Variants in UBTF observed in about 807,000 individuals in gnomAD.
The protein encoded by UBTF is nucleolar transcription factor 1.
In UBTF, 8 loss-of-function variants were observed where a neutral mutation model predicts 112.3. That is an observed-to-expected ratio of 0.07 (90% CI 0.04 to 0.13). The LOEUF (loss-of-function observed/expected upper bound fraction) is 0.13, where lower values mean the gene tolerates loss of function less well. Among genes scored for constraint, UBTF ranks in the 10% least tolerant of loss-of-function variants. UBTF has a pLI of 1.00. For missense variants in UBTF, 457 were observed against 982.1 expected (o/e 0.47, Z 7.15); for synonymous variants, 417 against 373.1 (o/e 1.12, Z -1.36).
In UBTF at chr17:44,211,097, A is replaced by T. The variant is rs1359949094; in HGVS notation, c.1145T>A (p.Ile382Asn). The change falls in exon 12 of 21, where the codon ATC (isoleucine) becomes AAC (asparagine). Residue 382 changes from isoleucine (I) to asparagine (N), a missense_variant. Ile to Asn is a moderately radical substitution (Grantham distance 149). Transcript: ENST00000436088. The surrounding 1 kb of genome is among the most constrained non-coding windows in gnomAD (Gnocchi z 4.9). ...RVLGEEKMLN[I>N]NKKQATSPAS... is the part of the protein sequence containing the mutation. ...GGGGCTGGTGGCCTGCTTCTTGTTG[A>T]TGTTCAGCATCTTCTCTTCCCCCAA... 3 of 1,612,796 alleles carry T rather than the reference A, an allele frequency of 1.9e-6. No individual in the cohort carries two copies. The highest frequency in any genetic ancestry group is 2.5e-6 in the Non-Finnish European group (3 of 1,179,972).
rs768375018 is a variant in UBTF, at chr17:44,210,961, G to A, written c.1204-14C>T. On this transcript the variant is annotated splice_polypyrimidine_tract_variant and intron_variant, in intron 12 of 20. Transcript: ENST00000436088. ...CTCGGAGCCGCCCTGTCCAGGTGCA[G>A]AGGGTCGGGGTCCGTGGGTGCTGCC... 25 of 1,602,910 alleles carry A rather than the reference G, an allele frequency of 1.6e-5. No homozygotes were observed. The highest frequency in any genetic ancestry group is 2.1e-5 in the Non-Finnish European group (25 of 1,176,584).
rs2056696753 is a variant in UBTF at position 44,211,804 on chromosome 17, T to C, written c.906-57A>G. On this transcript the variant is annotated intron_variant, in intron 9 of 20. Coordinates refer to ENST00000436088, the MANE Select transcript of UBTF (RefSeq NM_014233.4). The surrounding 1 kb of genome is among the most constrained non-coding windows in gnomAD (Gnocchi z 4.9). ...CGTAAGCGAGCAGGGCAGCAGGCCT[T>C]CTCACCTGCAGAGCCCAGCCCAACT... 6.3e-7 allele frequency: 1 copy of C among 1,599,812 alleles called. No homozygotes were observed. The highest frequency in any genetic ancestry group is 8.5e-7 in the Non-Finnish European group (1 of 1,174,308).
rs538531930 is a variant in UBTF at position 44,212,084 on chromosome 17, G to A, written c.772-78C>T. On this transcript the variant is annotated intron_variant, in intron 8 of 20. Transcript: ENST00000436088. Reference sequence around the variant, plus strand: ...GCAGGGGCAGGGGGAGAGCCGCTGGGGAGGGCAGGCAGGGAGCAAAGCTGG... The same window carrying A: ...GCAGGGGCAGGGGGAGAGCCGCTGGAGAGGGCAGGCAGGGAGCAAAGCTGG... 64 of 1,510,092 alleles carry A rather than the reference G, an allele frequency of 4.2e-5. No individual in the cohort carries two copies. The East Asian group carries it at 1.5e-3, about 34-fold the overall frequency. 93.5% of individuals were successfully genotyped at this position (1,510,092 alleles called of 1,614,324 possible).
At position 44,218,135 on chromosome 17, in the gene UBTF, G is replaced by T. The variant is rs748142988; in HGVS notation, c.58+37C>A. ...GCCCCGCAGCCACGAGGGAAAGAGG[G>T]TTTAAGTTTCAGAGGGCCGGGGGTG... On this transcript the variant is annotated intron_variant, in intron 2 of 20. Coordinates refer to ENST00000436088, the MANE Select transcript of UBTF (RefSeq NM_014233.4). 2.1e-5 allele frequency: 34 copies of T among 1,606,804 alleles called. 1 individual carries two copies. The Admixed American group carries it at 5.7e-4, about 27-fold the overall frequency.
rs898564208 is a variant in UBTF at position 44,207,873 on chromosome 17, G to A, written c.1944C>T (p.Tyr648=). The change falls in exon 18 of 21, where the codon TAC becomes TAT. Residue 648 remains tyrosine, a synonymous_variant. Transcript: ENST00000436088. ...SPQDRAAYKE[Y]ISNKRKSMTK... is the part of the protein sequence containing the mutation. ...CTGCTCCCAGACTCACATTGGAGAT[G>A]TACTCTTTATATGCTGCACGGTCCT... 15 of 1,613,890 alleles carry A rather than the reference G, an allele frequency of 9.3e-6. No individual in the cohort carries two copies. In the African/African-American group the frequency reaches 1.7e-4, roughly 19 times the overall value.
In UBTF at chr17:44,209,714, C is replaced by T. The variant is rs2056526722; in HGVS notation, c.1646G>A (p.Arg549Gln). The T allele has an allele frequency of 1.9e-6, 3 of 1,613,990 alleles. No homozygotes were observed. The highest frequency in any genetic ancestry group is 1.7e-5 in the Admixed American group (1 of 59,982). ...AGAATTTGTAGCAGCTGGAGGTGCC[C>T]GCATCTCACTCAGCTCTCTCTGGAG... ...KRYERELSEM[R>Q]APPAATNSSK... The change falls in exon 16 of 21, where the codon CGG (arginine) becomes CAG (glutamine). Residue 549 changes from arginine to glutamine, a missense_variant. This residue lies in a region of UBTF where 77 missense variants were observed against 211.9 expected (regional missense o/e 0.36). Transcript: ENST00000436088.
In UBTF at chr17:44,218,594, C is replaced by CAAA. The variant is rs71160095; in HGVS notation, c.-67-301_-67-299dup. On this transcript the variant is annotated intron_variant, in intron 1 of 20. Coordinates refer to ENST00000436088, the MANE Select transcript of UBTF (RefSeq NM_014233.4). ...CTCCGCCCCGCTTCCCAACCCCAGC[C>CAAA]AAAAAAAAAAAAAAAGAAAAAATCT... 9.2e-4 allele frequency: 77 copies of CAAA among 84,012 alleles called. 5 individuals are homozygous for CAAA. Among genetic ancestry groups the CAAA allele is most frequent in the African/African-American group, 6.5e-3 (52 of 8,052 alleles). The allele number at this position is 84,012 out of a possible 1,614,324, so 5.2% of individuals were successfully genotyped here. A position where few individuals can be genotyped will look rare whatever the true frequency, so the allele number is the denominator to read the frequency against.
chr17:44,211,587 G>A lies in UBTF; in HGVS notation c.1047+19C>T. The A allele has an allele frequency of 6.2e-7, 1 of 1,605,542 alleles. No homozygotes were observed. The highest frequency in any genetic ancestry group is 8.5e-7 in the Non-Finnish European group (1 of 1,176,960). ...ATGCTTCAAAACCCCAAGGCAGGGT[G>A]GCCCCTGCCACAGCTCACCTGATCA... On this transcript the variant is annotated intron_variant, in intron 10 of 20. Transcript: ENST00000436088. This position sits in a 1 kb window ranked among gnomAD's most constrained non-coding sequence, Gnocchi z 4.9.
At chr17:44,218,592 GC>G in intron 1 of UBTF, 1 of 60,624 alleles carries the variant, frequency 1.6e-5, no homozygotes. Context: ...CCCAACCCCA[GC>G]CAAAAAAAAA....
chr17:44,215,878 C>T, intron 4 of UBTF, 28 bp downstream of exon 4: 1 of 1,613,976 alleles, frequency 6.2e-7, no homozygotes, highest in Non-Finnish European at 8.5e-7. Flanking sequence ...CTCCCATACC[C>T]CTCATGCTCC....
At chr17:44,210,689 G>A in intron 13 of UBTF, 103 bp downstream of exon 13, 1 of 1,480,332 alleles carries the variant, frequency 6.8e-7, no homozygotes. Context: ...CCCAGGCACC[G>A]CGTGGCTCAG....
chr17:44,218,435 T>C (rs2046957302), intron 1 of UBTF, 139 bp from the exon 2 acceptor site: 5 of 562,840 alleles, frequency 8.9e-6, no homozygotes, highest in South Asian at 2.2e-5. Flanking sequence ...AAGGGGTCTA[T>C]GGGAATGGGA....
chr17:44,207,805 G>A (rs753765194), intron 18 of UBTF, 35 bp from the exon 19 acceptor site: 1 of 1,614,136 alleles, frequency 6.2e-7, no homozygotes, highest in Non-Finnish European at 8.5e-7. Flanking sequence ...GCAGCCATGA[G>A]TTCGACACCC....
intron 3 of UBTF, 138 bp downstream of exon 3, chr17:44,216,391 G>A: frequency 9.9e-7 from 1 of 1,013,496 alleles, no homozygotes. Context: ...AAAATGCAAA[G>A]GGGCAGGTAG....
chr17:44,220,569 C>G (rs1328552753), upstream of UBTF, among the ~76,000 whole-genome samples: 2 of 152,138 alleles, frequency 1.3e-5, no homozygotes, highest in African/African-American at 2.4e-5. Flanking sequence ...GCTCTTTACA[C>G]CCCGGAAACG....
chr17:44,206,316 C>G lies in UBTF; in HGVS notation c.*926G>C, dbSNP rs2056235781. On this transcript the variant is annotated 3_prime_UTR_variant, in exon 21 of 21. Transcript: ENST00000436088. ...CAGAGGATGTGGAGAACGGGGCAGC[C>G]TCAGCCTGCTCCCACCAGGGTCAAC... 1 of 151,706 alleles carries G rather than the reference C, an allele frequency of 6.6e-6. No individual in the cohort carries two copies. Among genetic ancestry groups the G allele is most frequent in the Non-Finnish European group, 1.5e-5 (1 of 67,970 alleles). The allele number at this position is 151,706 out of a possible 1,614,324, so 9.4% of individuals were successfully genotyped here.
chr17:44,218,345 A>G lies in UBTF; in HGVS notation c.-67-49T>C, dbSNP rs1421844417. ...ACTCAGGAAGGCTGAGAGGTGAACG[A>G]CTAACGACTTTCTAACCGCCCAGAG... is the stretch of plus-strand genomic sequence containing the variant. On this transcript the variant is annotated intron_variant, in intron 1 of 20. Coordinates refer to ENST00000436088, the MANE Select transcript of UBTF (RefSeq NM_014233.4). The G allele has an allele frequency of 5.2e-6, 6 of 1,155,918 alleles. No individual in the cohort carries two copies. The Admixed American group carries it at 8.4e-5, about 16-fold the overall frequency. 71.6% of individuals were successfully genotyped at this position (1,155,918 alleles called of 1,614,324 possible). A position where few individuals can be genotyped will look rare whatever the true frequency, so the allele number is the denominator to read the frequency against.
Position 44,209,496 on chromosome 17 carries a change from C to T in UBTF, c.1761G>A (p.Glu587=). Residue 587 remains glutamate, a synonymous_variant, in exon 17 of 21, where the codon GAG becomes GAA. Transcript: ENST00000436088. The part of the protein sequence containing the change: ...KFSQELLSNG[E]LNHLPLKERM... ...GCTCCTTCAGCGGCAGGTGGTTCAG[C>T]TCCCCATTGGACAGCAGCTCCTGGG... 2 of 1,613,794 alleles carry T rather than the reference C, an allele frequency of 1.2e-6. No individual in the cohort carries two copies. The highest frequency in any genetic ancestry group is 1.1e-5 in the South Asian group (1 of 91,050).
rs1461475708 is a variant in UBTF, at chr17:44,207,688, G to A, written c.2025+11C>T. 6 of 1,614,022 alleles carry A rather than the reference G, an allele frequency of 3.7e-6. No homozygotes were observed. The highest frequency in any genetic ancestry group is 5.1e-6 in the Non-Finnish European group (6 of 1,180,034). On this transcript the variant is annotated intron_variant, in intron 19 of 20. Coordinates refer to ENST00000436088, the MANE Select transcript of UBTF (RefSeq NM_014233.4). ...CGCCCCACGCCCCTGCATCTGGGAGGGGCTCCTTACCGACTTGGACTGCAG... is the reference window on the plus strand; with the variant it reads ...CGCCCCACGCCCCTGCATCTGGGAGAGGCTCCTTACCGACTTGGACTGCAG...
Sources: gnomAD v4.1 joint callset for allele counts (sites outside exome capture counted in the v4.1 genomes callset) on GRCh38, gnomAD v4.1.1 for gene constraint, gnomAD v4.1.1 regional missense constraint, Gnocchi (gnomAD v3.1) non-coding constraint, MANE v1.5 for transcripts, NCBI Gene and HGNC (gene_info 2026-07-23, HGNC 2026-07-21) for gene names.